The following SSBP2 variants were observed in gnomAD, a reference collection of about 807,000 sequenced individuals.
The protein encoded by SSBP2 is single stranded DNA binding protein 2, also known as single-stranded DNA-binding protein 2.
A neutral mutation model predicts 61.8 loss-of-function variants in SSBP2; 17 were observed. The observed-to-expected ratio is 0.28, with a 90% CI of 0.19 to 0.41. The LOEUF (loss-of-function observed/expected upper bound fraction) is 0.41, where lower values mean the gene tolerates loss of function less well. SSBP2 is among the 10% of genes least tolerant of loss of function. The pLI, the probability that SSBP2 is intolerant of heterozygous loss-of-function variation, is 1.00. For missense variants in SSBP2, 310 were observed against 458.7 expected (o/e 0.68, Z 2.96); for synonymous variants, 139 against 141.3 (o/e 0.98, Z 0.12).
intron 1 of SSBP2, among the ~76,000 whole-genome samples, chr5:81,670,701 C>T (rs760526951): frequency 6.6e-6 from 1 of 151,982 alleles, no homozygotes; most frequent in Non-Finnish European, 1.5e-5. Context: ...TCCTTAATTC[C>T]CCCTGTGAAT....
chr5:81,677,829 G>GAAAAAAAAAAA (rs796801784), intron 1 of SSBP2, among the ~76,000 whole-genome samples: 1 of 102,028 alleles, frequency 9.8e-6, no homozygotes, highest in Non-Finnish European at 2.0e-5. Flanking sequence ...CCTTAAGGGT[G>GAAAAAAAAAAA]AAAAAAAAAA....
At chr5:81,600,309 T>C (rs548404309) in intron 4 of SSBP2, among the ~76,000 whole-genome samples, 74 of 152,200 alleles carry the variant, frequency 4.9e-4, no homozygotes, top group Non-Finnish European at 7.4e-4. Flanking sequence ...ACGCCTGTAA[T>C]CCCAGCACTT....
chr5:81,610,638 A>G (rs1745351533), intron 4 of SSBP2, among the ~76,000 whole-genome samples: 1 of 152,228 alleles, frequency 6.6e-6, no homozygotes, highest in African/African-American at 2.4e-5. Flanking sequence ...TATGTAGAAT[A>G]AAAGAAATTA....
chr5:81,703,362 G>A (rs955229888), intron 1 of SSBP2, among the ~76,000 whole-genome samples: 2 of 152,234 alleles, frequency 1.3e-5, no homozygotes, highest in East Asian at 1.9e-4. Flanking sequence ...CAGGCAGCCT[G>A]AGCTACAGTC....
chr5:81,718,685 G>A (rs1348928799), intron 1 of SSBP2, among the ~76,000 whole-genome samples: 2 of 152,210 alleles, frequency 1.3e-5, no homozygotes, highest in Non-Finnish European at 2.9e-5. Context: ...AAGACTGTAA[G>A]TTTCACATTT....
intron 4 of SSBP2, among the ~76,000 whole-genome samples, chr5:81,517,239 CAAT>C (rs1430369612): frequency 6.6e-6 from 1 of 151,930 alleles, no homozygotes; most frequent in Non-Finnish European, 1.5e-5. Flanking sequence ...GCAGATATAA[CAAT>C]ATTATCATTA....
intron 4 of SSBP2, among the ~76,000 whole-genome samples, chr5:81,549,745 T>C (rs910385290): frequency 6.6e-6 from 1 of 152,162 alleles, no homozygotes; most frequent in Non-Finnish European, 1.5e-5. Context: ...GATTGATGGA[T>C]AAAAAGATGT....
At chr5:81,698,200 AT>A (rs1753718850) in intron 1 of SSBP2, among the ~76,000 whole-genome samples, 1 of 152,224 alleles carries the variant, frequency 6.6e-6, no homozygotes, top group Non-Finnish European at 1.5e-5. Flanking sequence ...ATAGTAAAAA[AT>A]AATTTTAAGA....
chr5:81,698,365 C>A (rs1482179875), intron 1 of SSBP2, among the ~76,000 whole-genome samples: 1 of 151,934 alleles, frequency 6.6e-6, no homozygotes, highest in Admixed American at 6.6e-5. Flanking sequence ...TTAATTTATA[C>A]CAGTTGCAAA....
At chr5:81,607,599 C>T (rs917964361) in intron 4 of SSBP2, among the ~76,000 whole-genome samples, 32 of 152,152 alleles carry the variant, frequency 2.1e-4, no homozygotes, top group African/African-American at 6.8e-4. Context: ...ATTTCCCTAC[C>T]TATTAATCTA....
chr5:81,603,778 T>C (rs986456315), intron 4 of SSBP2, among the ~76,000 whole-genome samples: 6 of 152,320 alleles, frequency 3.9e-5, no homozygotes, highest in South Asian at 4.1e-4. Context: ...TGAATACTTA[T>C]TGTGTTTTTA....
At chr5:81,478,228 C>A (rs1352528514) in intron 6 of SSBP2, among the ~76,000 whole-genome samples, 1 of 152,048 alleles carries the variant, frequency 6.6e-6, no homozygotes, top group Non-Finnish European at 1.5e-5. Context: ...GTGGTGTGAT[C>A]ATAGATCACT....
chr5:81,718,943 T>A (rs1755359961), intron 1 of SSBP2, among the ~76,000 whole-genome samples: 1 of 152,196 alleles, frequency 6.6e-6, no homozygotes, highest in Non-Finnish European at 1.5e-5. Flanking sequence ...ATGAACCTCT[T>A]ACATAAATAT....
rs1756168969 is a variant in SSBP2 at position 81,730,266 on chromosome 5, C to T, written c.62+20715G>A. ...TTGAGATGGAATTTCGCTCTGTCGC[C>T]CAGGCTGGAGTGCAGTGGCACGATC... is the stretch of plus-strand genomic sequence containing the variant. On this transcript the variant is annotated intron_variant, in intron 1 of 16. Coordinates refer to ENST00000320672, the MANE Select transcript of SSBP2 (RefSeq NM_012446.5). Among the ~76,000 whole-genome samples, 3 of 152,278 alleles carry T rather than the reference C, an allele frequency of 2.0e-5. No individual in the cohort carries two copies. In the South Asian group the frequency reaches 6.2e-4, roughly 32 times the overall value.
chr5:81,542,250 A>C (rs1771331873), intron 4 of SSBP2, among the ~76,000 whole-genome samples: 1 of 152,214 alleles, frequency 6.6e-6, no homozygotes, highest in Admixed American at 6.5e-5. Context: ...CAATTATTAA[A>C]AAAGTCAAAA....
chr5:81,689,036 T>C (rs1753020035), intron 1 of SSBP2, among the ~76,000 whole-genome samples: 1 of 151,780 alleles, frequency 6.6e-6, no homozygotes, highest in East Asian at 1.9e-4. Context: ...GAAATATTAA[T>C]AAAAAGAATC....
intron 4 of SSBP2, among the ~76,000 whole-genome samples, chr5:81,537,981 A>G (rs1561515773): frequency 6.6e-6 from 1 of 152,172 alleles, no homozygotes; most frequent in African/African-American, 2.4e-5. Flanking sequence ...TAACCCTATA[A>G]TGGCCCCTAA....
At chr5:81,552,849 G>T (rs1245759558) in intron 4 of SSBP2, among the ~76,000 whole-genome samples, 1 of 151,946 alleles carries the variant, frequency 6.6e-6, no homozygotes, top group Non-Finnish European at 1.5e-5. Context: ...AAGTAGGTCT[G>T]GAATTTATAA....
intron 4 of SSBP2, among the ~76,000 whole-genome samples, chr5:81,590,183 T>A (rs894828728): frequency 1.3e-5 from 2 of 152,048 alleles, no homozygotes; most frequent in African/African-American, 4.8e-5. Context: ...AATTATGAGA[T>A]TCTAGTCATA....
Sources: allele counts gnomAD v4.1 joint callset (sites outside exome capture counted in the v4.1 genomes callset), GRCh38; gene constraint gnomAD v4.1.1; transcripts MANE v1.5; gene names NCBI Gene and HGNC (gene_info 2026-07-23, HGNC 2026-07-21).